SEMA3B: variants seen among roughly 807,000 people sequenced by gnomAD.
SEMA3B encodes the protein semaphorin-3B.
In SEMA3B, 71 loss-of-function variants were observed where a neutral mutation model predicts 77.8. That is an observed-to-expected ratio of 0.91 (90% CI 0.75 to 1.11). The LOEUF is 1.11. Ranked by LOEUF, SEMA3B falls within the 50% of genes most tolerant of loss-of-function variation. The pLI is 0.00. For missense variants in SEMA3B, 968 were observed against 1,056.8 expected (o/e 0.92, Z 1.17); for synonymous variants, 470 against 452.9 (o/e 1.04, Z -0.48).
Position 50,276,028 on chromosome 3 carries a change from C to T in SEMA3B, c.1845+184C>T. 1.1e-6 allele frequency: 1 copy of T among 916,276 alleles called. No individual in the cohort carries two copies. The highest frequency in any genetic ancestry group is 1.6e-6 in the Non-Finnish European group (1 of 630,044). 56.8% of individuals were successfully genotyped at this position (916,276 alleles called of 1,614,324 possible). A position where few individuals can be genotyped will look rare whatever the true frequency, so the allele number is the denominator to read the frequency against. On this transcript the variant is annotated intron_variant, in intron 16 of 16. Coordinates refer to ENST00000616701, the MANE Select transcript of SEMA3B (RefSeq NM_001290060.2). The surrounding 1 kb of genome is among the most constrained non-coding windows in gnomAD (Gnocchi z 5.8). The stretch of plus-strand genomic sequence containing the variant: ...TGCGTCCAACGGGGCTCCCGACCCG[C>T]CTCCCCTGAATCAAGGAGAAGACCC...
Position 50,274,756 on chromosome 3 carries a change from C to T in SEMA3B, c.1358-87C>T, listed in dbSNP as rs1701172724. 5.9e-5 allele frequency: 87 copies of T among 1,477,258 alleles called. No individual in the cohort carries two copies. In the South Asian group the frequency reaches 8.9e-4, roughly 15 times the overall value. 91.5% of individuals were successfully genotyped at this position (1,477,258 alleles called of 1,614,324 possible). On this transcript the variant is annotated intron_variant, in intron 11 of 16. Coordinates refer to ENST00000616701, the MANE Select transcript of SEMA3B (RefSeq NM_001290060.2). The surrounding 1 kb of genome is among the most constrained non-coding windows in gnomAD (Gnocchi z 4.7). Reference sequence around the variant, plus strand: ...CCACACTCTTCACAACCCAAACATGCTGAGGGTAGACGCCTCAAAGGCGAG... The same window carrying T: ...CCACACTCTTCACAACCCAAACATGTTGAGGGTAGACGCCTCAAAGGCGAG...
intron 6 of SEMA3B, chr3:50,272,994 ACCCCAG>A (rs1310345745): frequency 9.8e-5 from 36 of 368,484 alleles, no homozygotes; most frequent in African/African-American, 6.8e-4. Context: ...TCTCCCTCCT[ACCCCAG>A]CCTAAGGTGC....
chr3:50,269,698 C>T lies in SEMA3B; in HGVS notation c.109+349C>T, dbSNP rs756203065. On this transcript the variant is annotated intron_variant, in intron 1 of 16. Coordinates refer to ENST00000616701, the MANE Select transcript of SEMA3B (RefSeq NM_001290060.2). This position sits in a 1 kb window ranked among gnomAD's most constrained non-coding sequence, Gnocchi z 4.0. ...ATGCCTCCTGTATAGGAGGGTGGCC[C>T]CTGGGCAGTGGCAGTGAATAGGCAG... 1.3e-5 allele frequency among the ~76,000 whole-genome samples: 2 copies of T among 152,138 alleles called. No homozygotes were observed. The highest frequency in any genetic ancestry group is 2.9e-5 in the Non-Finnish European group (2 of 68,016).
rs1553706908 is a variant in SEMA3B at position 50,276,664 on chromosome 3, G to C, written c.2208G>C (p.Glu736Asp). ...GTAACCGGAGGACCCACGCCCCTGA[G>C]CCTCGCGCTGAGCGGGGGCCGCGCA... ...KGRNRRTHAP[E>D]PRAERGPRSA... The change falls in exon 17 of 17, where the codon GAG becomes GAC. Residue 736 changes from glutamate (E) to aspartate (D), a missense_variant. Physicochemically the swap from Glu to Asp is conservative, Grantham distance 45. Transcript: ENST00000616701. The surrounding 1 kb of genome is among the most constrained non-coding windows in gnomAD (Gnocchi z 5.8). The C allele has an allele frequency of 2.5e-6, 4 of 1,575,860 alleles. No individual in the cohort carries two copies. Among genetic ancestry groups the C allele is most frequent in the Non-Finnish European group, 3.4e-6 (4 of 1,167,590 alleles).
Position 50,276,042 on chromosome 3 carries a change from AG to A in SEMA3B, c.1845+200del. 1.2e-6 allele frequency: 1 copy of A among 861,598 alleles called. No individual in the cohort carries two copies. Among genetic ancestry groups the A allele is most frequent in the Non-Finnish European group, 1.7e-6 (1 of 580,872 alleles). The allele number at this position is 861,598 out of a possible 1,614,324, so 53.4% of individuals were successfully genotyped here. A position where few individuals can be genotyped will look rare whatever the true frequency, so the allele number is the denominator to read the frequency against. On this transcript the variant is annotated intron_variant, in intron 16 of 16. Transcript: ENST00000616701. This position sits in a 1 kb window ranked among gnomAD's most constrained non-coding sequence, Gnocchi z 5.8. ...CTCCCGACCCGCCTCCCCTGAATCA[AG>A]GAGAAGACCCGCCCTCGACCCTCCC...
Position 50,270,650 on chromosome 3 carries a change from C to A in SEMA3B, c.330+155C>A. The A allele has an allele frequency of 8.6e-7, 1 of 1,157,610 alleles. No homozygotes were observed. 71.7% of individuals were successfully genotyped at this position (1,157,610 alleles called of 1,614,324 possible). On this transcript the variant is annotated intron_variant, in intron 3 of 16. Transcript: ENST00000616701. This position sits in a 1 kb window ranked among gnomAD's most constrained non-coding sequence, Gnocchi z 4.7. ...TGGGGGTGGTGAGTCAGGGTGGGGG[C>A]TCGTGTAATTCTTCTGGGGTGCCTC...
chr3:50,276,927 C>A lies in SEMA3B; in HGVS notation c.*221C>A, dbSNP rs1307874146. 10 of 516,278 alleles carry A rather than the reference C, an allele frequency of 1.9e-5. No homozygotes were observed. Among genetic ancestry groups the A allele is most frequent in the East Asian group, 3.6e-5 (1 of 28,124 alleles). 32.0% of individuals were successfully genotyped at this position (516,278 alleles called of 1,614,324 possible). ...CCCCGGGAGGGCGGCACAGGTCGGG[C>A]GCAGGATTCAGCCGGAGGGAAGGGA... On this transcript the variant is annotated 3_prime_UTR_variant, in exon 17 of 17. Transcript: ENST00000616701. The surrounding 1 kb of genome is among the most constrained non-coding windows in gnomAD (Gnocchi z 5.8).
In SEMA3B at chr3:50,271,002, G is replaced by A. The variant is rs367961290; in HGVS notation, c.443G>A (p.Arg148Gln). Residue 148 changes from arginine to glutamine, a missense_variant, in exon 4 of 17, where the codon CGG (arginine) becomes CAG (glutamine). By Grantham distance (43) the Arg-to-Gln change is conservative. Coordinates refer to ENST00000616701, the MANE Select transcript of SEMA3B (RefSeq NM_001290060.2). ...PTCAFVEVGH[R>Q]AEEPVLRLDP... ...TGTGCCTTTGTGGAAGTGGGCCACCGGGCAGAGGTAAGGCCGGATCTAGGC... is the reference window on the plus strand; with the variant it reads ...TGTGCCTTTGTGGAAGTGGGCCACCAGGCAGAGGTAAGGCCGGATCTAGGC... 34 of 1,603,082 alleles carry A rather than the reference G, an allele frequency of 2.1e-5. No homozygotes were observed. The highest frequency in any genetic ancestry group is 1.5e-4 in the Admixed American group (9 of 58,198).
At position 50,273,985 on chromosome 3, in the gene SEMA3B, T is replaced by G. The variant is rs1701137330; in HGVS notation, c.1065T>G (p.Phe355Leu). ...NDVRRAFLGPFAHKEGPMHQW... is the reference protein window; with the variant it reads ...NDVRRAFLGPLAHKEGPMHQW... ...TGCGCCGGGCCTTCTTGGGACCCTT[T>G]GCACACAAGGAGGGGCCCATGCACC... The change falls in exon 10 of 17, where the codon TTT (phenylalanine) becomes TTG (leucine). Residue 355 changes from phenylalanine to leucine, a missense_variant. Phe to Leu is a conservative substitution (Grantham distance 22). Coordinates refer to ENST00000616701, the MANE Select transcript of SEMA3B (RefSeq NM_001290060.2). The surrounding 1 kb of genome is among the most constrained non-coding windows in gnomAD (Gnocchi z 6.5). 23 of 1,613,862 alleles carry G rather than the reference T, an allele frequency of 1.4e-5. No homozygotes were observed. Among genetic ancestry groups the G allele is most frequent in the Non-Finnish European group, 1.9e-5 (23 of 1,179,808 alleles).
chr3:50,274,247 C>A lies in SEMA3B; in HGVS notation c.1138-116C>A. On this transcript the variant is annotated intron_variant, in intron 10 of 16. Transcript: ENST00000616701. This position sits in a 1 kb window ranked among gnomAD's most constrained non-coding sequence, Gnocchi z 4.7. ...CAAGGCTGATCTCCTCTCTAATTCT[C>A]AGGGCAGGGTTCTGTCCCCATCCCC... 8.1e-7 allele frequency: 1 copy of A among 1,237,604 alleles called. No individual in the cohort carries two copies. Among genetic ancestry groups the A allele is most frequent in the Non-Finnish European group, 1.1e-6 (1 of 890,444 alleles). The allele number at this position is 1,237,604 out of a possible 1,614,324, so 76.7% of individuals were successfully genotyped here.
chr3:50,269,232 G>A lies in SEMA3B; in HGVS notation c.-9G>A. ...ACCCGCTGAACCCTGAGCACCCTGA[G>A]CTGCTGAGATGGGGCGGGCCGGGGC... On this transcript the variant is annotated 5_prime_UTR_variant, in exon 1 of 17. Coordinates refer to ENST00000616701, the MANE Select transcript of SEMA3B (RefSeq NM_001290060.2). The surrounding 1 kb of genome is among the most constrained non-coding windows in gnomAD (Gnocchi z 4.0). The A allele has an allele frequency of 2.0e-6, 3 of 1,532,798 alleles. No homozygotes were observed. The highest frequency in any genetic ancestry group is 2.4e-5 in the East Asian group (1 of 40,896). 94.9% of individuals were successfully genotyped at this position (1,532,798 alleles called of 1,614,324 possible). A position where few individuals can be genotyped will look rare whatever the true frequency, so the allele number is the denominator to read the frequency against.
chr3:50,268,943 C>T (rs184654138), upstream of SEMA3B: 1,335 of 483,800 alleles, frequency 2.8e-3, 5 homozygotes, highest in Non-Finnish European at 3.8e-3. Flanking sequence ...GGAAGGGTGA[C>T]GTGGTGAGGC....
Position 50,271,110 on chromosome 3 carries a change from C to A in SEMA3B, c.473C>A (p.Pro158Gln). 6.3e-7 allele frequency: 1 copy of A among 1,583,816 alleles called. No homozygotes were observed. Among genetic ancestry groups the A allele is most frequent in the East Asian group, 2.3e-5 (1 of 43,342 alleles). Residue 158 changes from proline to glutamine, a missense_variant, in exon 5 of 17, where the codon CCA becomes CAA. Transcript: ENST00000616701. ...RAEEPVLRLDPGRIEDGKGKS... is the reference protein window; with the variant it reads ...RAEEPVLRLDQGRIEDGKGKS... ...CAGGAGCCCGTCCTCCGGCTGGACC[C>A]AGGAAGGATAGAGGATGGCAAGGGG...
chr3:50,273,748 CT>C lies in SEMA3B; in HGVS notation c.923-9del. The C allele has an allele frequency of 6.2e-7, 1 of 1,604,192 alleles. No individual in the cohort carries two copies. The highest frequency in any genetic ancestry group is 1.1e-5 in the South Asian group (1 of 90,682). ...TGTGCGCCCTACCCCAGCTAGGCCC[CT>C]TCCCCGCAGAGGATGTGTTTCTGTT... On this transcript the variant is annotated splice_polypyrimidine_tract_variant and intron_variant, in intron 8 of 16. Transcript: ENST00000616701. The surrounding 1 kb of genome is among the most constrained non-coding windows in gnomAD (Gnocchi z 6.5).
Position 50,273,529 on chromosome 3 carries a change from C to T in SEMA3B, c.811-6C>T, listed in dbSNP as rs1553705815. 1 of 1,612,050 alleles carries T rather than the reference C, an allele frequency of 6.2e-7. No individual in the cohort carries two copies. Among genetic ancestry groups the T allele is most frequent in the Non-Finnish European group, 8.5e-7 (1 of 1,178,824 alleles). ...TCGCCCTCATCCCCTTTGATCGTCC[C>T]GGCAGAACGACGTGGGCGGCCAGCG... On this transcript the variant is annotated splice_region_variant and splice_polypyrimidine_tract_variant and intron_variant, in intron 7 of 16. Coordinates refer to ENST00000616701, the MANE Select transcript of SEMA3B (RefSeq NM_001290060.2). The surrounding 1 kb of genome is among the most constrained non-coding windows in gnomAD (Gnocchi z 6.5).
Position 50,275,414 on chromosome 3 carries a change from C to A in SEMA3B, c.1604C>A (p.Ala535Asp). The A allele has an allele frequency of 1.2e-6, 2 of 1,601,290 alleles. No homozygotes were observed. Among genetic ancestry groups the A allele is most frequent in the Non-Finnish European group, 8.5e-7 (1 of 1,174,132 alleles). ...ECCLARDPYCAWDGVACTRFQ... is the reference protein window; with the variant it reads ...ECCLARDPYCDWDGVACTRFQ... Reference sequence around the variant, plus strand: ...TGTCTGGCGCGTGACCCCTACTGCGCCTGGGACGGGGTCGCGTGCACGCGC... The same window carrying A: ...TGTCTGGCGCGTGACCCCTACTGCGACTGGGACGGGGTCGCGTGCACGCGC... The change falls in exon 14 of 17, where the codon GCC becomes GAC. Residue 535 changes from alanine (A) to aspartate (D), a missense_variant. Transcript: ENST00000616701. This position sits in a 1 kb window ranked among gnomAD's most constrained non-coding sequence, Gnocchi z 7.5.
upstream of SEMA3B, chr3:50,269,119 CT>C (rs587729299): frequency 1.7e-4 from 123 of 717,702 alleles, no homozygotes; most frequent in African/African-American, 1.7e-3. This position sits in a 1 kb window ranked among gnomAD's most constrained non-coding sequence, Gnocchi z 4.0. Context: ...GACTCCCCCC[CT>C]AGCCTCCCGC....
At position 50,275,438 on chromosome 3, in the gene SEMA3B, G is replaced by T; in HGVS notation, c.1628G>T (p.Arg543Leu). The change falls in exon 14 of 17, where the codon CGC becomes CTC. Residue 543 changes from arginine to leucine, a missense_variant. Transcript: ENST00000616701. This position sits in a 1 kb window ranked among gnomAD's most constrained non-coding sequence, Gnocchi z 7.5. ...GCCTGGGACGGGGTCGCGTGCACGC[G>T]CTTCCAGCCCAGTGCCAAGAGGTGG... ...YCAWDGVACT[R>L]FQPSAKRRFR... The T allele has an allele frequency of 4.4e-6, 7 of 1,606,490 alleles. No individual in the cohort carries two copies. The highest frequency in any genetic ancestry group is 6.0e-6 in the Non-Finnish European group (7 of 1,176,204).
chr3:50,273,083 G>C lies in SEMA3B; in HGVS notation c.665-215G>C. The stretch of plus-strand genomic sequence containing the variant: ...GCGCCCCCAGGTAGCCACGGTCTCT[G>C]CTGCCCCCTCGCGGCTGCTTCTTGC... On this transcript the variant is annotated intron_variant, in intron 6 of 16. Coordinates refer to ENST00000616701, the MANE Select transcript of SEMA3B (RefSeq NM_001290060.2). The surrounding 1 kb of genome is among the most constrained non-coding windows in gnomAD (Gnocchi z 6.5). 1.5e-6 allele frequency: 1 copy of C among 679,764 alleles called. No homozygotes were observed. Among genetic ancestry groups the C allele is most frequent in the Non-Finnish European group, 2.4e-6 (1 of 424,976 alleles). The allele number at this position is 679,764 out of a possible 1,614,324, so 42.1% of individuals were successfully genotyped here.
Sources: allele counts gnomAD v4.1 joint callset (sites outside exome capture counted in the v4.1 genomes callset), GRCh38; gene constraint gnomAD v4.1.1; non-coding constraint Gnocchi (gnomAD v3.1); transcripts MANE v1.5; gene names NCBI Gene and HGNC (gene_info 2026-07-23, HGNC 2026-07-21).